CBFB: variants seen among roughly 807,000 people sequenced by gnomAD.
CBFB encodes the protein core-binding factor subunit beta, also known as CBF-beta.
In CBFB, 9 loss-of-function variants were observed where a neutral mutation model predicts 30.4. That is an observed-to-expected ratio of 0.30 (90% confidence interval 0.18 to 0.52). The LOEUF (loss-of-function observed/expected upper bound fraction) is 0.52, where lower values mean the gene tolerates loss of function less well. Among genes scored for constraint, CBFB ranks in the 20% least tolerant of loss-of-function variants. The probability of loss-of-function intolerance (pLI) is 0.97; values close to 1 mark genes in which losing one functional copy is unlikely to be tolerated. For synonymous variants in CBFB, 94 were observed against 84.0 expected, an observed-to-expected ratio of 1.12 and a Z score of -0.65; for missense variants, 170 against 244.0, an observed-to-expected ratio of 0.70 and a Z score of 2.02.
At chr16:67,069,957 CA>C (rs1567616969) in intron 4 of CBFB, among the ~76,000 whole-genome samples, 1 of 152,060 alleles carries the variant, frequency 6.6e-6, no homozygotes, top group East Asian at 1.9e-4. Flanking sequence ...CCACTGCACT[CA>C]AGCCTAAGTG....
intron 2 of CBFB, among the ~76,000 whole-genome samples, chr16:67,032,660 A>T (rs1198865730): frequency 6.6e-6 from 1 of 152,146 alleles, no homozygotes; most frequent in African/African-American, 2.4e-5. Context: ...GAGGTACTTG[A>T]TTATTTGAAT....
At chr16:67,091,571 A>G (rs1199830631) in intron 5 of CBFB, among the ~76,000 whole-genome samples, 4 of 152,100 alleles carry the variant, frequency 2.6e-5, no homozygotes, top group Admixed American at 1.3e-4. Context: ...GATTATTCCC[A>G]CTATTTCATT....
intron 4 of CBFB, among the ~76,000 whole-genome samples, chr16:67,080,127 A>G (rs1961514568): frequency 6.6e-6 from 1 of 152,192 alleles, no homozygotes; most frequent in Admixed American, 6.5e-5. Flanking sequence ...AGTATTCAGA[A>G]GTGTGTGACG....
At chr16:67,072,468 T>C (rs1223166721) in intron 4 of CBFB, among the ~76,000 whole-genome samples, 2 of 151,902 alleles carry the variant, frequency 1.3e-5, no homozygotes, top group East Asian at 3.9e-4. Flanking sequence ...TTTTTCTTTT[T>C]TTTTCTTTTT....
chr16:67,035,619 A>G (rs998686913), intron 2 of CBFB, among the ~76,000 whole-genome samples: 2 of 152,224 alleles, frequency 1.3e-5, no homozygotes, highest in African/African-American at 2.4e-5. Context: ...ACTATTGGAT[A>G]GCTAACTTGG....
At chr16:67,087,151 A>G (rs1961755486) in intron 5 of CBFB, among the ~76,000 whole-genome samples, 1 of 152,202 alleles carries the variant, frequency 6.6e-6, no homozygotes, top group African/African-American at 2.4e-5. Flanking sequence ...TTTTCTAAAA[A>G]GTGCTCTTCA....
intron 4 of CBFB, among the ~76,000 whole-genome samples, chr16:67,075,197 A>ATATGTG (rs369475383): frequency 0.2 from 28,117 of 142,566 alleles, 3,029 homozygotes; most frequent in Middle Eastern, 0.29. Flanking sequence ...CTCAAAAAAA[A>ATATGTG]TGTGTGTGTG....
chr16:67,077,907 A>G (rs1001027494), intron 4 of CBFB, among the ~76,000 whole-genome samples: 5 of 152,196 alleles, frequency 3.3e-5, no homozygotes, highest in South Asian at 4.1e-4. Flanking sequence ...ACACCCAGCC[A>G]TGTTTTATGA....
intron 3 of CBFB, among the ~76,000 whole-genome samples, chr16:67,038,301 C>T (rs1007843445): frequency 3.3e-5 from 5 of 149,700 alleles, no homozygotes; most frequent in South Asian, 2.1e-4. Context: ...TATATATACA[C>T]GTATATATGT....
chr16:67,074,567 G>A (rs1961332621), intron 4 of CBFB, among the ~76,000 whole-genome samples: 1 of 152,002 alleles, frequency 6.6e-6, no homozygotes, highest in African/African-American at 2.4e-5. Flanking sequence ...ATTTTTAGTA[G>A]AGACGAGGTT....
chr16:67,078,856 A>C (rs1014970692), intron 4 of CBFB, among the ~76,000 whole-genome samples: 4 of 152,104 alleles, frequency 2.6e-5, no homozygotes, highest in Non-Finnish European at 4.4e-5. Flanking sequence ...GGGTTTCACC[A>C]TGTTGGCCAG....
chr16:67,084,580 A>T (rs1349898275), intron 5 of CBFB, among the ~76,000 whole-genome samples: 20 of 152,224 alleles, frequency 1.3e-4, no homozygotes, highest in Admixed American at 1.3e-3. Flanking sequence ...AACAGTGTGA[A>T]TGTACTTAAC....
intron 5 of CBFB, among the ~76,000 whole-genome samples, chr16:67,092,698 C>CTTTTTTTTT (rs777213321): frequency 1.5e-4 from 5 of 33,528 alleles, no homozygotes; most frequent in African/African-American, 3.4e-4. Context: ...GTGGTGCAAT[C>CTTTTTTTTT]TTTTTTTTTT....
At chr16:67,043,835 G>A (rs1005992153) in intron 3 of CBFB, among the ~76,000 whole-genome samples, 16 of 152,202 alleles carry the variant, frequency 1.1e-4, no homozygotes, top group Non-Finnish European at 1.9e-4. Context: ...GAGTGTTTGT[G>A]CTACAGTGTG....
chr16:67,047,192 C>CT (rs1469611773), intron 3 of CBFB, among the ~76,000 whole-genome samples: 1 of 151,908 alleles, frequency 6.6e-6, no homozygotes, highest in East Asian at 1.9e-4. Flanking sequence ...GATCATGCCA[C>CT]TGCACTGTAG....
At chr16:67,078,420 C>T (rs1961467158) in intron 4 of CBFB, among the ~76,000 whole-genome samples, 1 of 152,000 alleles carries the variant, frequency 6.6e-6, no homozygotes, top group East Asian at 1.9e-4. Context: ...GTGGCACACA[C>T]CTGTAGTCCC....
intron 2 of CBFB, 74 bp downstream of exon 2, chr16:67,029,887 C>T (rs1597117319): frequency 1.7e-5 from 16 of 966,030 alleles, no homozygotes; most frequent in Middle Eastern, 3.3e-4. Context: ...CGGTTCCGGA[C>T]GGCGGCGCGG....
At chr16:67,096,302 C>T (rs1286087668) in intron 5 of CBFB, among the ~76,000 whole-genome samples, 1 of 151,288 alleles carries the variant, frequency 6.6e-6, no homozygotes, top group Non-Finnish European at 1.5e-5. Flanking sequence ...CAGAGCAAGA[C>T]TCTGTCTCAA....
intron 4 of CBFB, among the ~76,000 whole-genome samples, chr16:67,077,440 A>G (rs1477736712): frequency 1.3e-5 from 2 of 152,238 alleles, no homozygotes; most frequent in African/African-American, 4.8e-5. Flanking sequence ...ATTAATTTGG[A>G]AGAGTCATTT....
Sources: gnomAD v4.1 joint callset for allele counts (sites outside exome capture counted in the v4.1 genomes callset) on GRCh38, gnomAD v4.1.1 for gene constraint, MANE v1.5 for transcripts, NCBI Gene and HGNC (gene_info 2026-07-23, HGNC 2026-07-21) for gene names.